The following ZNF92 variants were observed in gnomAD, a reference collection of about 807,000 sequenced individuals.
ZNF92 encodes epididymis luminal protein 203.
A neutral mutation model predicts 12.4 loss-of-function variants in ZNF92; 11 were observed. That is an observed-to-expected ratio of 0.89 (90% confidence interval 0.56 to 1.47). ZNF92 has a LOEUF of 1.47. Among genes scored for constraint, ZNF92 ranks in the 40% most tolerant of loss-of-function variants. The pLI is 0.00. For missense variants in ZNF92, 622 were observed against 681.0 expected (o/e 0.91, Z 0.96); for synonymous variants, 206 against 228.6 (o/e 0.90, Z 0.89).
At chr7:65,380,941 G>A (rs1554336087) in intron 1 of ZNF92, among the ~76,000 whole-genome samples, 1 of 151,802 alleles carries the variant, frequency 6.6e-6, no homozygotes, top group Non-Finnish European at 1.5e-5. Flanking sequence ...TTGTTTGTTT[G>A]TTTGCATCTC....
intron 2 of ZNF92, 184 bp downstream of exon 2, chr7:65,388,212 C>A: frequency 2.0e-6 from 1 of 491,102 alleles, no homozygotes; most frequent in South Asian, 2.3e-5. Context: ...CCTGAACTCT[C>A]CACATTCCTG....
In ZNF92 at chr7:65,389,373, T is replaced by C. The variant is rs527295697; in HGVS notation, c.226+472T>C. On this transcript the variant is annotated intron_variant, in intron 3 of 3. Transcript: ENST00000328747. ...GCATCTTCTGTCTAATGCTTTTAAA[T>C]TTTCTAAGGTGATCTTCTTCAAGTT... Among the ~76,000 whole-genome samples, 3 of 152,176 alleles carry C rather than the reference T, an allele frequency of 2.0e-5. No homozygotes were observed. In the East Asian group the frequency reaches 5.8e-4, roughly 29 times the overall value.
intron 3 of ZNF92, among the ~76,000 whole-genome samples, chr7:65,390,862 A>AG (rs1306167608): frequency 6.6e-6 from 1 of 152,116 alleles, no homozygotes; most frequent in African/African-American, 2.4e-5. Flanking sequence ...GCATGGCTAT[A>AG]AATGGTTGTC....
In ZNF92 at chr7:65,387,758, A is replaced by T. The variant is rs191728424; in HGVS notation, c.4-144A>T. On this transcript the variant is annotated intron_variant, in intron 1 of 3. Coordinates refer to ENST00000328747, the MANE Select transcript of ZNF92 (RefSeq NM_152626.4). ...AGAAAATATTTCTGTATTGAAAATT[A>T]TTTTATTGGATCATTTCAGTCACTC... The T allele has an allele frequency of 4.7e-3, 4,365 of 933,572 alleles. 34 individuals are homozygous for T. The highest frequency in any genetic ancestry group is 0.016 in the Middle Eastern group (63 of 3,964). 57.8% of individuals were successfully genotyped at this position (933,572 alleles called of 1,614,324 possible). A position where few individuals can be genotyped will look rare whatever the true frequency, so the allele number is the denominator to read the frequency against.
chr7:65,384,974 T>A (rs954526294), intron 1 of ZNF92, among the ~76,000 whole-genome samples: 2 of 152,160 alleles, frequency 1.3e-5, no homozygotes, highest in African/African-American at 4.8e-5. Flanking sequence ...GGCCTCTGTT[T>A]CCTCTGTAAA....
At chr7:65,389,871 G>T (rs907363785) in intron 3 of ZNF92, among the ~76,000 whole-genome samples, 2 of 151,396 alleles carry the variant, frequency 1.3e-5, no homozygotes, top group Non-Finnish European at 2.9e-5. Flanking sequence ...TTACTCTGCT[G>T]CCCAGGCTGG....
rs372428903 is a variant in ZNF92, at chr7:65,373,895, G to T, written c.-103G>T. 3.9e-6 allele frequency: 6 copies of T among 1,531,320 alleles called. No individual in the cohort carries two copies. Among genetic ancestry groups the T allele is most frequent in the Admixed American group, 3.3e-5 (2 of 59,792 alleles). The allele number at this position is 1,531,320 out of a possible 1,614,324, so 94.9% of individuals were successfully genotyped here. On this transcript the variant is annotated 5_prime_UTR_variant, in exon 1 of 4. Coordinates refer to ENST00000328747, the MANE Select transcript of ZNF92 (RefSeq NM_152626.4). ...CGGCGCTCCACGTCTAGTCTTCACTGCTCTGCGTCCTGTGCTGATAAAGGC... is the reference window on the plus strand; with the variant it reads ...CGGCGCTCCACGTCTAGTCTTCACTTCTCTGCGTCCTGTGCTGATAAAGGC...
In ZNF92 at chr7:65,385,502, A is replaced by C. The variant is rs371080720; in HGVS notation, c.4-2400A>C. 1.2e-4 allele frequency among the ~76,000 whole-genome samples: 19 copies of C among 152,152 alleles called. No individual in the cohort carries two copies. The East Asian group carries it at 3.5e-3, about 28-fold the overall frequency. Reference sequence around the variant, plus strand: ...ATCTTCGCACTAAAGGGTGGTCACAAGGCCTGTTTTCTTTGGGTTTGGTAG... The same window carrying C: ...ATCTTCGCACTAAAGGGTGGTCACACGGCCTGTTTTCTTTGGGTTTGGTAG... On this transcript the variant is annotated intron_variant, in intron 1 of 3. Coordinates refer to ENST00000328747, the MANE Select transcript of ZNF92 (RefSeq NM_152626.4).
At chr7:65,387,794 G>C in intron 1 of ZNF92, 108 bp from the exon 2 acceptor site, 1 of 1,349,624 alleles carries the variant, frequency 7.4e-7, no homozygotes, top group Admixed American at 2.8e-5. Context: ...CTGTAAGTCA[G>C]AACTTGTTCT....
chr7:65,384,582 G>A (rs536223389), intron 1 of ZNF92, among the ~76,000 whole-genome samples: 19 of 152,184 alleles, frequency 1.2e-4, no homozygotes, highest in African/African-American at 4.6e-4. Flanking sequence ...ATGCCATTTA[G>A]CAACTTATTC....
chr7:65,386,924 T>C (rs1793582198), intron 1 of ZNF92, among the ~76,000 whole-genome samples: 1 of 149,258 alleles, frequency 6.7e-6, no homozygotes, highest in African/African-American at 2.5e-5. Flanking sequence ...TTATTAAGTA[T>C]CTGTTTTCTT....
rs752479435 is a variant in ZNF92, at chr7:65,398,510, A to T, written c.396A>T (p.Gly132=). 2 of 1,612,366 alleles carry T rather than the reference A, an allele frequency of 1.2e-6. No individual in the cohort carries two copies. The highest frequency in any genetic ancestry group is 1.7e-6 in the Non-Finnish European group (2 of 1,179,456). Residue 132 remains glycine (G), a synonymous_variant, in exon 4 of 4, where the codon GGA becomes GGT. Transcript: ENST00000328747. ...ACKVYKGGYN[G]LNQCLTTTDS... ...AGGTGTACAAAGGAGGTTATAATGG[A>T]CTTAACCAGTGTTTGACAACTACTG...
At chr7:65,375,095 GC>G (rs1375571923) in intron 1 of ZNF92, among the ~76,000 whole-genome samples, 3 of 152,074 alleles carry the variant, frequency 2.0e-5, no homozygotes, top group Non-Finnish European at 4.4e-5. Flanking sequence ...TGAGAAGAAA[GC>G]AAAGAATAAT....
chr7:65,383,273 T>A (rs1425112833), intron 1 of ZNF92, among the ~76,000 whole-genome samples: 4 of 152,096 alleles, frequency 2.6e-5, no homozygotes. Flanking sequence ...AAGGACATAT[T>A]ATTTAGAATG....
intron 3 of ZNF92, among the ~76,000 whole-genome samples, chr7:65,391,787 T>G (rs1251812663): frequency 1.3e-5 from 2 of 152,122 alleles, no homozygotes; most frequent in Non-Finnish European, 2.9e-5. Flanking sequence ...TATTAGAATC[T>G]TCTATGTATG....
chr7:65,383,035 T>C (rs1288715719), intron 1 of ZNF92, among the ~76,000 whole-genome samples: 1 of 152,144 alleles, frequency 6.6e-6, no homozygotes, highest in African/African-American at 2.4e-5. Flanking sequence ...TAGAAATGTA[T>C]GTCAATCAGT....
intron 3 of ZNF92, among the ~76,000 whole-genome samples, chr7:65,391,793 G>A (rs1270474306): frequency 1.3e-5 from 2 of 151,988 alleles, no homozygotes; most frequent in Non-Finnish European, 2.9e-5. Flanking sequence ...AATCTTCTAT[G>A]TATGGTTATA....
At chr7:65,392,623 G>A (rs149652133) in intron 3 of ZNF92, among the ~76,000 whole-genome samples, 4,622 of 150,322 alleles carry the variant, frequency 0.031, 121 homozygotes, top group Non-Finnish European at 0.039. Flanking sequence ...CGTAACCTCC[G>A]CCTCCTGAGT....
intron 1 of ZNF92, among the ~76,000 whole-genome samples, chr7:65,384,528 C>A (rs750557895): frequency 2.6e-5 from 4 of 152,016 alleles, no homozygotes; most frequent in Non-Finnish European, 5.9e-5. Flanking sequence ...TATTTTAGGG[C>A]CTTAATTTCT....
Sources: allele counts gnomAD v4.1 joint callset (sites outside exome capture counted in the v4.1 genomes callset), GRCh38; gene constraint gnomAD v4.1.1; transcripts MANE v1.5; gene names NCBI Gene and HGNC (gene_info 2026-07-23, HGNC 2026-07-21).